Variants in SCN2A observed in about 807,000 individuals in gnomAD.
SCN2A encodes sodium voltage-gated channel alpha subunit 2.
A neutral mutation model predicts 188.7 loss-of-function variants in SCN2A; 20 were observed. The observed-to-expected ratio is 0.11, with a 90% CI of 0.07 to 0.15. The LOEUF is 0.15. Among genes scored for constraint, SCN2A ranks in the 10% least tolerant of loss-of-function variants. SCN2A has a pLI of 1.00. For synonymous variants in SCN2A, 804 were observed against 833.1 expected (o/e 0.97, Z 0.60); for missense variants, 1,278 against 2,445.0 (o/e 0.52, Z 10.07).
At chr2:165,388,561 C>T (rs1373067387) in intron 26 of SCN2A, 68 bp from the exon 27 acceptor site, 2 of 1,601,980 alleles carry the variant, frequency 1.2e-6, no homozygotes, top group African/African-American at 1.3e-5. Context: ...AACTAATGTA[C>T]TTATGTAAAC....
At chr2:165,265,468 G>GATATATATATAT (rs1436110486) in intron 1 of SCN2A, among the ~76,000 whole-genome samples, 9 of 19,780 alleles carry the variant, frequency 4.6e-4, no homozygotes, top group African/African-American at 6.9e-4. Flanking sequence ...TTACTCTGTT[G>GATATATATATAT]ATCTATATAT....
chr2:165,252,537 G>T (rs1559316552), intron 1 of SCN2A, among the ~76,000 whole-genome samples: 1 of 151,886 alleles, frequency 6.6e-6, no homozygotes, highest in Non-Finnish European at 1.5e-5. Flanking sequence ...ATTTAAAAAA[G>T]AGCATCATGC....
intron 1 of SCN2A, among the ~76,000 whole-genome samples, chr2:165,262,132 T>C (rs781446379): frequency 1.3e-5 from 2 of 152,180 alleles, no homozygotes; most frequent in Admixed American, 6.5e-5. Context: ...TTCACTTTTA[T>C]TTTAAGTGAA....
At chr2:165,307,050 A>C (rs1287856986) in intron 3 of SCN2A, among the ~76,000 whole-genome samples, 1 of 152,134 alleles carries the variant, frequency 6.6e-6, no homozygotes, top group African/African-American at 2.4e-5. Flanking sequence ...AGTGAAGGGC[A>C]TTGGCTATAC....
At chr2:165,318,169 GT>G (rs1697866405) in intron 11 of SCN2A, among the ~76,000 whole-genome samples, 1 of 152,148 alleles carries the variant, frequency 6.6e-6, no homozygotes, top group African/African-American at 2.4e-5. Flanking sequence ...AACCATCTCT[GT>G]GTTTGTATTG....
chr2:165,349,773 A>G (rs1190196374), intron 16 of SCN2A, among the ~76,000 whole-genome samples: 1 of 152,206 alleles, frequency 6.6e-6, no homozygotes, highest in Non-Finnish European at 1.5e-5. Flanking sequence ...TAAGGTAGTC[A>G]TATATATCAT....
chr2:165,345,847 T>C (rs916352197), intron 16 of SCN2A, among the ~76,000 whole-genome samples: 3 of 152,204 alleles, frequency 2.0e-5, no homozygotes, highest in Admixed American at 2.0e-4. Flanking sequence ...TGGCTGGTAC[T>C]GGTTTTTCCT....
At chr2:165,274,159 T>C (rs1695225428) in intron 1 of SCN2A, 2 of 152,100 alleles carry the variant, frequency 1.3e-5, no homozygotes, top group African/African-American at 4.8e-5. Flanking sequence ...TATAAAATAC[T>C]CCTTCTCAAT....
At chr2:165,368,050 G>T (rs6739174) in intron 19 of SCN2A, among the ~76,000 whole-genome samples, 3 of 152,104 alleles carry the variant, frequency 2.0e-5, no homozygotes, top group African/African-American at 7.2e-5. Flanking sequence ...CATGTCCGGC[G>T]TCCAGGAGGA....
intron 17 of SCN2A, among the ~76,000 whole-genome samples, chr2:165,362,099 A>C (rs993188868): frequency 7.9e-5 from 12 of 152,030 alleles, no homozygotes; most frequent in African/African-American, 2.4e-4. Context: ...AAACACAAAC[A>C]TTGGTGCTAG....
At chr2:165,273,725 A>ATGTT (rs1695202279) in intron 1 of SCN2A, 1 of 152,152 alleles carries the variant, frequency 6.6e-6, no homozygotes, top group Admixed American at 6.5e-5. Context: ...CCAAATGATG[A>ATGTT]TGCTTTGCTT....
intron 1 of SCN2A, among the ~76,000 whole-genome samples, chr2:165,256,657 C>T (rs17242693): frequency 0.052 from 7,898 of 152,246 alleles, 271 homozygotes; most frequent in Middle Eastern, 0.092. Flanking sequence ...CACGCTATAT[C>T]CAACTGGACT....
At chr2:165,246,058 A>C (rs911265466) in intron 1 of SCN2A, among the ~76,000 whole-genome samples, 7 of 152,130 alleles carry the variant, frequency 4.6e-5, no homozygotes, top group East Asian at 1.9e-4. Context: ...GCAAAAAAAA[A>C]CTGTTAGTAA....
At chr2:165,348,178 G>A (rs901077921) in intron 16 of SCN2A, among the ~76,000 whole-genome samples, 18 of 151,970 alleles carry the variant, frequency 1.2e-4, no homozygotes, top group African/African-American at 4.4e-4. Context: ...AGTCAACATG[G>A]CAAAACCCCA....
Position 165,389,904 on chromosome 2 carries a change from C to T in SCN2A, c.*80C>T, listed in dbSNP as rs993612652. ...GATGTGTTTGTGTCAACAGGACTCCCACAGGAGGTCTATGCCAAACTGACT... is the reference window on the plus strand; with the variant it reads ...GATGTGTTTGTGTCAACAGGACTCCTACAGGAGGTCTATGCCAAACTGACT... On this transcript the variant is annotated 3_prime_UTR_variant, in exon 27 of 27. Transcript: ENST00000375437. The surrounding 1 kb of genome is among the most constrained non-coding windows in gnomAD (Gnocchi z 4.2). 2 of 1,533,102 alleles carry T rather than the reference C, an allele frequency of 1.3e-6. No homozygotes were observed. The highest frequency in any genetic ancestry group is 1.4e-5 in the African/African-American group (1 of 72,674). 95.0% of individuals were successfully genotyped at this position (1,533,102 alleles called of 1,614,324 possible).
rs772491388 is a variant in SCN2A at position 165,387,031 on chromosome 2, T to C, written c.4822+15T>C. ...CTCCATTGTAGGTAAGAAGAGGTGC[T>C]TTTATTCAGTTAAGGAATATAGTGG... On this transcript the variant is annotated intron_variant, in intron 26 of 26. Coordinates refer to ENST00000375437, the MANE Select transcript of SCN2A (RefSeq NM_001040142.2). The C allele has an allele frequency of 5.0e-6, 8 of 1,611,554 alleles. No individual in the cohort carries two copies. The South Asian group carries it at 8.8e-5, about 18-fold the overall frequency.
chr2:165,270,226 T>G (rs1339671807), intron 1 of SCN2A: 1 of 149,764 alleles, frequency 6.7e-6, no homozygotes, highest in Non-Finnish European at 1.5e-5. Context: ...TTTTTATGCC[T>G]TCAAGCAAGT....
intron 17 of SCN2A, among the ~76,000 whole-genome samples, chr2:165,364,570 T>C (rs1274560379): frequency 6.6e-6 from 1 of 152,210 alleles, no homozygotes; most frequent in African/African-American, 2.4e-5. Flanking sequence ...ATATCAGCTC[T>C]TGCTATATAG....
chr2:165,370,485 G>A (rs1056159265), intron 20 of SCN2A, 186 bp downstream of exon 20: 2 of 607,456 alleles, frequency 3.3e-6, no homozygotes, highest in Non-Finnish European at 5.9e-6. Context: ...TACATTCATA[G>A]ATAAAAATCA....
Sources: allele counts gnomAD v4.1 joint callset (sites outside exome capture counted in the v4.1 genomes callset), GRCh38; gene constraint gnomAD v4.1.1; non-coding constraint Gnocchi (gnomAD v3.1); transcripts MANE v1.5; gene names NCBI Gene and HGNC (gene_info 2026-07-23, HGNC 2026-07-21).